Variants in ZRANB3 observed in about 807,000 individuals in gnomAD.
ZRANB3 encodes the protein zinc finger RANBP2-type containing 3, also known as DNA annealing helicase and endonuclease ZRANB3.
ZRANB3 carries 125 observed loss-of-function variants against 133.8 expected under a neutral mutation model. The ratio of observed to expected loss-of-function variants is 0.93; its 90% CI spans 0.81 to 1.08. The LOEUF is 1.08. Ranked by LOEUF, ZRANB3 falls within the 50% of genes least tolerant of loss-of-function variation. The pLI is 0.00. For synonymous variants in ZRANB3, 387 were observed against 432.7 expected, an observed-to-expected ratio of 0.89 and a Z score of 1.31; for missense variants, 1,229 against 1,275.5, an observed-to-expected ratio of 0.96 and a Z score of 0.56.
intron 14 of ZRANB3, 22 bp downstream of exon 14, chr2:135,227,790 T>C (rs1370991813): frequency 2.8e-5 from 43 of 1,556,900 alleles, no homozygotes; most frequent in Non-Finnish European, 3.4e-5. Flanking sequence ...ACTTGGATGC[T>C]AGAAATGGAA....
intron 6 of ZRANB3, among the ~76,000 whole-genome samples, chr2:135,335,897 G>GA (rs928894263): frequency 1.5e-3 from 223 of 149,544 alleles, no homozygotes; most frequent in East Asian, 8.4e-3. Flanking sequence ...CTTCCAGGGG[G>GA]AAAAAAAAAC....
At chr2:135,527,806 C>T (rs1694223203) in intron 1 of ZRANB3, among the ~76,000 whole-genome samples, 1 of 152,148 alleles carries the variant, frequency 6.6e-6, no homozygotes, top group African/African-American at 2.4e-5. Flanking sequence ...TGTGTCCATA[C>T]CTGTAACTAA....
At chr2:135,216,843 T>C (rs899708434) in intron 17 of ZRANB3, among the ~76,000 whole-genome samples, 12 of 152,118 alleles carry the variant, frequency 7.9e-5, no homozygotes, top group African/African-American at 2.9e-4. Context: ...GAACAGGGAT[T>C]TGAGATCACA....
chr2:135,481,528 T>A (rs1429258968), intron 2 of ZRANB3, among the ~76,000 whole-genome samples: 2 of 152,228 alleles, frequency 1.3e-5, no homozygotes, highest in Admixed American at 6.5e-5. Context: ...CTTTGTCACA[T>A]GAGTAAGTTG....
Position 135,207,445 on chromosome 2 carries a change from G to A in ZRANB3, c.2998C>T (p.Pro1000Ser). ...TGATTATAACTTACCTGTTCTAATG[G>A]GAGCTTTGAAGTCCAGGTAGCATAC... ...LLYATWTSKL[P>S]LEQLNEMIRN... Residue 1000 changes from proline to serine, a missense_variant, in exon 19 of 21, where the codon CCA becomes TCA. Physicochemically the swap from Pro to Ser is moderately conservative, Grantham distance 74 (BLOSUM62 -1). Coordinates refer to ENST00000264159, the MANE Select transcript of ZRANB3 (RefSeq NM_032143.4). The A allele has an allele frequency of 6.2e-7, 1 of 1,609,554 alleles. No individual in the cohort carries two copies.
intron 8 of ZRANB3, among the ~76,000 whole-genome samples, chr2:135,278,816 G>T (rs973325512): frequency 1.3e-5 from 2 of 152,088 alleles, no homozygotes; most frequent in African/African-American, 4.8e-5. Flanking sequence ...TATAAATATG[G>T]TTCTAATAAT....
intron 1 of ZRANB3, among the ~76,000 whole-genome samples, chr2:135,530,065 A>T (rs566166317): frequency 1.3e-5 from 2 of 151,620 alleles, no homozygotes; most frequent in African/African-American, 2.4e-5. Context: ...GTCTCTACTA[A>T]AAATACAAAA....
intron 2 of ZRANB3, among the ~76,000 whole-genome samples, chr2:135,402,941 C>G (rs1687807490): frequency 6.6e-6 from 1 of 152,094 alleles, no homozygotes; most frequent in Admixed American, 6.6e-5. Context: ...TTAGGCCATT[C>G]TTCCACTGCT....
At chr2:135,349,739 G>A (rs1015817752) in intron 5 of ZRANB3, among the ~76,000 whole-genome samples, 7 of 143,252 alleles carry the variant, frequency 4.9e-5, no homozygotes, top group African/African-American at 2.0e-4. Flanking sequence ...TACTAAATAT[G>A]GCAGCCTTAT....
chr2:135,439,957 C>G (rs1293651893), intron 2 of ZRANB3, among the ~76,000 whole-genome samples: 1 of 152,112 alleles, frequency 6.6e-6, no homozygotes, highest in Non-Finnish European at 1.5e-5. Flanking sequence ...ATGTTATATT[C>G]TAGAACCATA....
intron 20 of ZRANB3, among the ~76,000 whole-genome samples, chr2:135,201,702 T>C (rs16831432): frequency 0.05 from 7,570 of 152,024 alleles, 778 homozygotes; most frequent in East Asian, 0.46. Context: ...GTTCATACTT[T>C]ATAAACATTG....
At chr2:135,224,322 C>T in intron 15 of ZRANB3, 104 bp downstream of exon 15, 2 of 874,800 alleles carry the variant, frequency 2.3e-6, no homozygotes, top group Non-Finnish European at 3.4e-6. Context: ...AGGAAAATAA[C>T]TAGATGCTTA....
At chr2:135,416,062 C>T (rs1688558396) in intron 2 of ZRANB3, among the ~76,000 whole-genome samples, 1 of 152,032 alleles carries the variant, frequency 6.6e-6, no homozygotes, top group Admixed American at 6.6e-5. Flanking sequence ...CAGGGATGCC[C>T]TCGCTCATCA....
At chr2:135,477,250 T>C (rs1335013809) in intron 2 of ZRANB3, among the ~76,000 whole-genome samples, 1 of 152,156 alleles carries the variant, frequency 6.6e-6, no homozygotes. Context: ...TTACCCAAAA[T>C]AGAACTTCAA....
Position 135,227,999 on chromosome 2 carries a change from G to T in ZRANB3, c.1971C>A (p.Ser657Arg), listed in dbSNP as rs796691737. ...CGTTTTTATCCTGGATATGGTTGAG[G>T]CTATCTATTTGCATAACTATTAAAA... is the stretch of plus-strand genomic sequence containing the variant. Reference protein sequence around the residue: ...PQGSAVMQIDSLNHIQDKNEK... With the variant: ...PQGSAVMQIDRLNHIQDKNEK... The change falls in exon 14 of 21, where the codon AGC becomes AGA. Residue 657 changes from serine to arginine, a missense_variant. Ser to Arg is a moderately radical substitution (Grantham distance 110). Coordinates refer to ENST00000264159, the MANE Select transcript of ZRANB3 (RefSeq NM_032143.4). 56 of 1,544,372 alleles carry T rather than the reference G, an allele frequency of 3.6e-5. No individual in the cohort carries two copies. In the Middle Eastern group the frequency reaches 6.7e-4, roughly 18 times the overall value.
At chr2:135,259,245 TCTCAAACATCTGGG>T (rs1679822859) in intron 12 of ZRANB3, among the ~76,000 whole-genome samples, 1 of 151,944 alleles carries the variant, frequency 6.6e-6, no homozygotes, top group African/African-American at 2.4e-5. Flanking sequence ...CCCAGGCAGG[TCTCAAACATCTGGG>T]CTCAATGGAG....
At chr2:135,237,717 C>T (rs970658366) in intron 12 of ZRANB3, among the ~76,000 whole-genome samples, 4 of 151,692 alleles carry the variant, frequency 2.6e-5, no homozygotes, top group African/African-American at 9.7e-5. Flanking sequence ...CACATGTCCT[C>T]ACTCATAGGT....
intron 8 of ZRANB3, among the ~76,000 whole-genome samples, chr2:135,308,980 CA>C (rs1355841460): frequency 7.1e-6 from 1 of 139,950 alleles, no homozygotes; most frequent in Non-Finnish European, 1.5e-5. Context: ...GTAATAACAT[CA>C]TTTTTTTTTT....
intron 2 of ZRANB3, among the ~76,000 whole-genome samples, chr2:135,417,858 G>A (rs1368365411): frequency 6.6e-6 from 1 of 152,056 alleles, no homozygotes; most frequent in Non-Finnish European, 1.5e-5. Context: ...ACTATCGCAA[G>A]GACAAAAAAC....
Sources: gnomAD v4.1 joint callset for allele counts (sites outside exome capture counted in the v4.1 genomes callset) on GRCh38, gnomAD v4.1.1 for gene constraint, MANE v1.5 for transcripts, NCBI Gene and HGNC (gene_info 2026-07-23, HGNC 2026-07-21) for gene names.